RARB: variants seen among roughly 807,000 people sequenced by gnomAD.
RARB encodes retinoic acid receptor beta.
RARB carries 17 observed loss-of-function variants against 51.9 expected under a neutral mutation model. The ratio of observed to expected loss-of-function variants is 0.33; its 90% CI spans 0.22 to 0.49. The LOEUF is 0.49. Among genes scored for constraint, RARB ranks in the 20% least tolerant of loss-of-function variants. The pLI is 0.99. For missense variants in RARB, 369 were observed against 550.8 expected, an observed-to-expected ratio of 0.67 and a Z score of 3.30; for synonymous variants, 215 against 195.4, an observed-to-expected ratio of 1.10 and a Z score of -0.84.
At chr3:25,287,540 CACAG>C (rs1449092851) in intron 5 of RARB, among the ~76,000 whole-genome samples, 1 of 152,194 alleles carries the variant, frequency 6.6e-6, no homozygotes, top group Non-Finnish European at 1.5e-5. Flanking sequence ...CTGGTCCACA[CACAG>C]ACAGACACTC....
At chr3:25,078,101 C>T (rs923237441) in intron 3 of RARB, among the ~76,000 whole-genome samples, 3 of 151,402 alleles carry the variant, frequency 2.0e-5, no homozygotes, top group Non-Finnish European at 2.9e-5. Context: ...GATATCTTGC[C>T]CATTTTGTTG....
intron 5 of RARB, among the ~76,000 whole-genome samples, chr3:25,327,147 G>C (rs116613940): frequency 0.011 from 1,646 of 152,244 alleles, 9 homozygotes; most frequent in Non-Finnish European, 0.017. Flanking sequence ...GAGAGATTTA[G>C]ATCAGCCCAG....
At chr3:25,497,038 C>G (rs767206281) in intron 2 of RARB, among the ~76,000 whole-genome samples, 1 of 152,176 alleles carries the variant, frequency 6.6e-6, no homozygotes, top group African/African-American at 2.4e-5. Context: ...GCATGCGCCA[C>G]CATGCCTGGC....
intron 1 of RARB, among the ~76,000 whole-genome samples, chr3:24,830,407 A>T (rs1330493196): frequency 9.5e-6 from 1 of 105,544 alleles, no homozygotes; most frequent in Non-Finnish European, 2.2e-5. Context: ...GAAAGTGAAC[A>T]GGTGACAGAA....
chr3:25,087,255 A>C (rs971084145), intron 3 of RARB, among the ~76,000 whole-genome samples: 1 of 152,128 alleles, frequency 6.6e-6, no homozygotes, highest in African/African-American at 2.4e-5. Context: ...CTAGTGTTTC[A>C]GATTTACTTT....
At chr3:25,321,469 G>A (rs185104935) in intron 5 of RARB, among the ~76,000 whole-genome samples, 5 of 152,022 alleles carry the variant, frequency 3.3e-5, no homozygotes, top group Admixed American at 3.3e-4. Flanking sequence ...TGTAATCCCA[G>A]CACTTTGGGA....
At chr3:24,890,481 G>C (rs1340884198) in intron 2 of RARB, among the ~76,000 whole-genome samples, 1 of 152,138 alleles carries the variant, frequency 6.6e-6, no homozygotes, top group Non-Finnish European at 1.5e-5. Flanking sequence ...AGGCATGGTG[G>C]TTCATACCTG....
At position 25,268,463 on chromosome 3, in the gene RARB, C is replaced by A. The variant is rs571884216; in HGVS notation, c.178+93888C>A. 9.9e-5 allele frequency among the ~76,000 whole-genome samples: 15 copies of A among 152,020 alleles called. No individual in the cohort carries two copies. The South Asian group carries it at 3.1e-3, about 32-fold the overall frequency. On this transcript the variant is annotated intron_variant, in intron 5 of 11. Coordinates refer to the RARB transcript ENST00000383772. The stretch of plus-strand genomic sequence containing the variant: ...GTGTTTTTCATATTATTTTCTCCAA[C>A]TCAGATTTTAGATATGGTGTATTTC...
chr3:25,362,532 T>C (rs8180044), intron 5 of RARB, among the ~76,000 whole-genome samples: 85,662 of 152,062 alleles, frequency 0.56, 24,484 homozygotes, highest in East Asian at 0.84. Flanking sequence ...GGAAAATACT[T>C]CTGCAGCTAG....
chr3:25,082,741 G>A (rs1699031976), intron 3 of RARB, among the ~76,000 whole-genome samples: 3 of 151,882 alleles, frequency 2.0e-5, no homozygotes, highest in Admixed American at 1.3e-4. Flanking sequence ...TCTTTATACT[G>A]AATTTCCTTC....
intron 3 of RARB, among the ~76,000 whole-genome samples, chr3:25,552,687 T>C (rs967373242): frequency 1.3e-5 from 2 of 152,180 alleles, no homozygotes; most frequent in Non-Finnish European, 2.9e-5. Flanking sequence ...GAGATAATAC[T>C]GCACCCGTCT....
At chr3:25,334,934 T>C (rs1042305683) in intron 5 of RARB, among the ~76,000 whole-genome samples, 1 of 152,112 alleles carries the variant, frequency 6.6e-6, no homozygotes, top group South Asian at 2.1e-4. Context: ...CAGATCAGTG[T>C]GAGTTGTGGA....
intron 5 of RARB, among the ~76,000 whole-genome samples, chr3:25,268,207 G>A (rs1703169833): frequency 6.6e-6 from 1 of 152,136 alleles, no homozygotes; most frequent in Admixed American, 6.5e-5. Flanking sequence ...AGCATTTGGT[G>A]ACTACCACTG....
chr3:25,282,395 C>A (rs1703545827), intron 5 of RARB, among the ~76,000 whole-genome samples: 1 of 152,204 alleles, frequency 6.6e-6, no homozygotes, highest in Admixed American at 6.5e-5. Flanking sequence ...GTAAGCCCTG[C>A]CTCTACTACC....
Position 24,928,665 on chromosome 3 carries a change from C to A in RARB, c.-380+69913C>A, listed in dbSNP as rs1340772058. 3.9e-5 allele frequency among the ~76,000 whole-genome samples: 6 copies of A among 152,036 alleles called. No homozygotes were observed. In the East Asian group the frequency reaches 5.8e-4, roughly 15 times the overall value. ...ATTGTCTGCTTATGCTTTTCAAGGT[C>A]TTTTACAGTAGTGAAGTAAGGCCTG... On this transcript the variant is annotated intron_variant, in intron 2 of 11. Coordinates refer to the RARB transcript ENST00000383772.
At chr3:25,175,279 G>A (rs1263572990) in intron 5 of RARB, among the ~76,000 whole-genome samples, 1 of 152,146 alleles carries the variant, frequency 6.6e-6, no homozygotes, top group Non-Finnish European at 1.5e-5. Flanking sequence ...GGTAGCCAGC[G>A]AGCTTTTCCA....
At chr3:25,312,230 AT>A (rs1352482895) in intron 5 of RARB, among the ~76,000 whole-genome samples, 1 of 152,194 alleles carries the variant, frequency 6.6e-6, no homozygotes, top group African/African-American at 2.4e-5. Flanking sequence ...TTTTCTGAAA[AT>A]TAAGGTTATC....
chr3:24,955,391 A>C (rs1695991362), intron 2 of RARB, among the ~76,000 whole-genome samples: 1 of 152,160 alleles, frequency 6.6e-6, no homozygotes, highest in African/African-American at 2.4e-5. Context: ...AGGCCAAAAA[A>C]GGCAACATTT....
At chr3:25,565,050 G>A (rs1238299416) in intron 3 of RARB, among the ~76,000 whole-genome samples, 1 of 152,066 alleles carries the variant, frequency 6.6e-6, no homozygotes, top group East Asian at 1.9e-4. Context: ...TCCTAATCTA[G>A]GACCAGTAGG....
Sources: gnomAD v4.1 joint callset for allele counts (sites outside exome capture counted in the v4.1 genomes callset) on GRCh38, gnomAD v4.1.1 for gene constraint, MANE v1.5 for transcripts, NCBI Gene and HGNC (gene_info 2026-07-23, HGNC 2026-07-21) for gene names.